Variants in AKAP13 observed in about 807,000 individuals in gnomAD.
AKAP13 encodes the protein A-kinase anchor protein 13.
AKAP13 carries 80 observed loss-of-function variants against 264.5 expected under a neutral mutation model. The ratio of observed to expected loss-of-function variants is 0.30; its 90% CI spans 0.25 to 0.36. The LOEUF (loss-of-function observed/expected upper bound fraction) is 0.36, where lower values mean the gene tolerates loss of function less well. Ranked by LOEUF, AKAP13 falls within the 10% of genes least tolerant of loss-of-function variation. The probability of loss-of-function intolerance (pLI) is 1.00; values close to 1 mark genes in which losing one functional copy is unlikely to be tolerated. For synonymous variants in AKAP13, 1,380 were observed against 1,250.2 expected (o/e 1.10, Z -2.19); for missense variants, 3,712 against 3,435.2 (o/e 1.08, Z -2.01).
chr15:85,615,609 A>T (rs1479317826), intron 8 of AKAP13, among the ~76,000 whole-genome samples: 1 of 152,218 alleles, frequency 6.6e-6, no homozygotes, highest in Non-Finnish European at 1.5e-5. Flanking sequence ...ATGGATCACT[A>T]TATTTAAGTT....
chr15:85,450,821 G>T (rs1408367717), intron 1 of AKAP13, among the ~76,000 whole-genome samples: 1 of 152,178 alleles, frequency 6.6e-6, no homozygotes, highest in Non-Finnish European at 1.5e-5. Context: ...TGAGAAGAAT[G>T]TATATTCTGT....
chr15:85,573,558 T>TAAAG (rs933311986), intron 5 of AKAP13, among the ~76,000 whole-genome samples: 1 of 150,904 alleles, frequency 6.6e-6, no homozygotes, highest in Non-Finnish European at 1.5e-5. Context: ...AATAAATAAA[T>TAAAG]AAATAAATAA....
At chr15:85,536,343 A>G (rs1478926731) in intron 4 of AKAP13, 1 of 152,230 alleles carries the variant, frequency 6.6e-6, no homozygotes, top group African/African-American at 2.4e-5. Context: ...AGTGCTGGCA[A>G]AGATGAAGAA....
rs753967698 is a variant in AKAP13, at chr15:85,543,897, A to ACG, written c.606_607dup (p.Pro203ArgfsTer3). 6.2e-7 allele frequency: 1 copy of ACG among 1,614,058 alleles called. No individual in the cohort carries two copies. Among genetic ancestry groups the ACG allele is most frequent in the Non-Finnish European group, 8.5e-7 (1 of 1,180,008 alleles). On this transcript the variant is annotated frameshift_variant, in exon 5 of 37. Transcript: ENST00000394518. LOFTEE classifies it high-confidence loss of function. ...CAGTATCCACAACCAGGAAGGGGCG[A>ACG]CGCCTGTGAGCTTGGCCTTGGAGCG...
At chr15:85,413,535 T>TAGC (rs529622859) in intron 1 of AKAP13, among the ~76,000 whole-genome samples, 60 of 152,304 alleles carry the variant, frequency 3.9e-4, no homozygotes, top group Admixed American at 7.2e-4. Context: ...GTGAAGAGAA[T>TAGC]AGCACCATTG....
Position 85,746,938 on chromosome 15 carries a change from AAGTTAGAGCACGTCGCCACAG to A in AKAP13, c.*2264_*2284del, listed in dbSNP as rs1365349345. 2.0e-5 allele frequency: 3 copies of A among 152,170 alleles called. No individual in the cohort carries two copies. Among genetic ancestry groups the A allele is most frequent in the Admixed American group, 6.5e-5 (1 of 15,288 alleles). 9.4% of individuals were successfully genotyped at this position (152,170 alleles called of 1,614,324 possible). On this transcript the variant is annotated 3_prime_UTR_variant, in exon 37 of 37. Transcript: ENST00000394518. ...CTTCACAAAAACACCGTGGATGCTG[AAGTTAGAGCACGTCGCCACAG>A]AGCTTGACATCAATGTTAGAGGGTC...
intron 6 of AKAP13, among the ~76,000 whole-genome samples, chr15:85,575,691 C>CA (rs77263680): frequency 0.01 from 1,347 of 134,046 alleles, 8 homozygotes; most frequent in South Asian, 0.026. Flanking sequence ...GACTCCGTCT[C>CA]AAAAAAAAAA....
At chr15:85,428,648 A>G (rs1366002560) in intron 1 of AKAP13, among the ~76,000 whole-genome samples, 2 of 152,198 alleles carry the variant, frequency 1.3e-5, no homozygotes, top group Admixed American at 6.5e-5. Context: ...CATGCTACTA[A>G]TGTCTTGTTT....
intron 1 of AKAP13, among the ~76,000 whole-genome samples, chr15:85,403,933 A>G (rs551203132): frequency 6.6e-6 from 1 of 151,934 alleles, no homozygotes; most frequent in African/African-American, 2.4e-5. Flanking sequence ...CTATGACAGT[A>G]CCACATGATG....
intron 1 of AKAP13, among the ~76,000 whole-genome samples, chr15:85,387,112 A>G (rs1596004237): frequency 6.6e-6 from 1 of 151,646 alleles, no homozygotes; most frequent in Non-Finnish European, 1.5e-5. Context: ...AGGCGGGTGG[A>G]TCACCTGAGA....
chr15:85,393,619 A>G (rs1036837258), intron 1 of AKAP13, among the ~76,000 whole-genome samples: 4 of 152,210 alleles, frequency 2.6e-5, no homozygotes, highest in African/African-American at 7.2e-5. Context: ...CCTACGTGTT[A>G]TGTTATCTAC....
intron 5 of AKAP13, among the ~76,000 whole-genome samples, chr15:85,562,697 T>C (rs866112341): frequency 0.099 from 11,674 of 117,874 alleles, 884 homozygotes; most frequent in East Asian, 0.34. Context: ...TTTTCTTTTT[T>C]TTTTTTTTTT....
intron 18 of AKAP13, chr15:85,710,370 A>T: frequency 2.2e-6 from 1 of 458,618 alleles, no homozygotes; most frequent in Non-Finnish European, 3.9e-6. Context: ...AAAGCATTCC[A>T]GGCAGGATAG....
chr15:85,505,434 G>A (rs1375444491), intron 2 of AKAP13, among the ~76,000 whole-genome samples: 3 of 152,174 alleles, frequency 2.0e-5, no homozygotes, highest in Non-Finnish European at 2.9e-5. Context: ...TGAGAAAGGG[G>A]TATGGTTTTG....
chr15:85,658,365 C>G (rs995526119), intron 11 of AKAP13, among the ~76,000 whole-genome samples, 172 bp from the exon 12 acceptor site: 1 of 152,208 alleles, frequency 6.6e-6, no homozygotes, highest in Non-Finnish European at 1.5e-5. Context: ...CAGAAACTGT[C>G]AGGCCCTTTT....
At chr15:85,669,908 C>T in intron 14 of AKAP13, 78 bp downstream of exon 14, 2 of 1,118,124 alleles carry the variant, frequency 1.8e-6, no homozygotes, top group Non-Finnish European at 1.3e-6. Context: ...CACTTTAAGG[C>T]CCCATAACAT....
chr15:85,665,032 A>G (rs1379295166), intron 13 of AKAP13, among the ~76,000 whole-genome samples: 1 of 151,906 alleles, frequency 6.6e-6, no homozygotes, highest in Non-Finnish European at 1.5e-5. Flanking sequence ...AAGACCCCCC[A>G]TCTCTACAAA....
intron 3 of AKAP13, among the ~76,000 whole-genome samples, chr15:85,531,431 A>G (rs189862149): frequency 5.9e-5 from 9 of 152,318 alleles, no homozygotes; most frequent in Admixed American, 2.0e-4. Flanking sequence ...ATGGATGTCT[A>G]GCTTTTAGCT....
chr15:85,381,008 G>A (rs573228957), intron 1 of AKAP13, among the ~76,000 whole-genome samples: 220 of 152,164 alleles, frequency 1.4e-3, no homozygotes, highest in African/African-American at 5.0e-3. Context: ...CCTGCGCATC[G>A]CCCTTCTCCC....
Sources: allele counts gnomAD v4.1 joint callset (sites outside exome capture counted in the v4.1 genomes callset), GRCh38; gene constraint gnomAD v4.1.1; transcripts MANE v1.5; gene names NCBI Gene and HGNC (gene_info 2026-07-23, HGNC 2026-07-21).